Variants in BSN observed in about 807,000 individuals in gnomAD.
BSN encodes the protein protein bassoon.
Under a neutral mutation model 264.8 loss-of-function variants are expected in BSN, and 57 were observed. That is an observed-to-expected ratio of 0.22 (90% CI 0.17 to 0.27). BSN has a LOEUF of 0.27. Among genes scored for constraint, BSN ranks in the 10% least tolerant of loss-of-function variants. BSN has a pLI of 1.00. For missense variants in BSN, 4,615 were observed against 5,232.5 expected, an observed-to-expected ratio of 0.88 and a Z score of 3.64; for synonymous variants, 2,059 against 2,137.3, an observed-to-expected ratio of 0.96 and a Z score of 1.01.
At chr3:49,566,251 G>C (rs1366797698) in intron 1 of BSN, among the ~76,000 whole-genome samples, 1 of 152,184 alleles carries the variant, frequency 6.6e-6, no homozygotes, top group Non-Finnish European at 1.5e-5. Context: ...CATTTATTTG[G>C]TGAAGACATC....
intron 1 of BSN, among the ~76,000 whole-genome samples, chr3:49,624,432 G>T (rs2052327548): frequency 6.6e-6 from 1 of 151,386 alleles, no homozygotes; most frequent in Admixed American, 6.6e-5. Context: ...CCATGTAGCT[G>T]GGTTTACAGG....
At chr3:49,589,082 A>ATTTTTTTTTTT (rs55919876) in intron 1 of BSN, among the ~76,000 whole-genome samples, 2 of 132,456 alleles carry the variant, frequency 1.5e-5, no homozygotes, top group Non-Finnish European at 1.6e-5. Context: ...GCCTGGCTAA[A>ATTTTTTTTTTT]TTTTTTTTTT....
At chr3:49,645,671 A>G (rs1217790139) in intron 3 of BSN, among the ~76,000 whole-genome samples, 2 of 152,190 alleles carry the variant, frequency 1.3e-5, no homozygotes, top group African/African-American at 4.8e-5. Flanking sequence ...TGAGGCCCCT[A>G]ACCAGGCTGT....
intron 5 of BSN, among the ~76,000 whole-genome samples, chr3:49,658,762 T>C (rs574231024): frequency 6.6e-6 from 1 of 152,268 alleles, no homozygotes; most frequent in African/African-American, 2.4e-5. Flanking sequence ...CCTCGGTAAA[T>C]CTGTTTACAC....
At chr3:49,634,878 T>A (rs935054814) in intron 2 of BSN, among the ~76,000 whole-genome samples, 3 of 152,116 alleles carry the variant, frequency 2.0e-5, no homozygotes, top group Admixed American at 6.5e-5. Flanking sequence ...CACATACACA[T>A]ACACACACAT....
At chr3:49,617,303 ATATATATATATATAT>A (rs1293382692) in intron 1 of BSN, among the ~76,000 whole-genome samples, 6 of 113,360 alleles carry the variant, frequency 5.3e-5, no homozygotes, top group Admixed American at 1.7e-4. Context: ...ATATATATAT[ATATATATATATATAT>A]AATTTTATAA....
intron 1 of BSN, among the ~76,000 whole-genome samples, chr3:49,594,887 AC>A (rs1258340760): frequency 1.9e-5 from 2 of 102,674 alleles, no homozygotes; most frequent in Non-Finnish European, 3.8e-5. Flanking sequence ...TACAGATCCT[AC>A]AATTTTTTTT....
At chr3:49,586,360 C>G (rs983849644) in intron 1 of BSN, among the ~76,000 whole-genome samples, 1 of 151,896 alleles carries the variant, frequency 6.6e-6, no homozygotes, top group Non-Finnish European at 1.5e-5. Flanking sequence ...ATCTATCTAT[C>G]TATCATTATC....
intron 1 of BSN, among the ~76,000 whole-genome samples, chr3:49,613,426 AG>A (rs1180821266): frequency 2.7e-5 from 4 of 150,828 alleles, no homozygotes; most frequent in Non-Finnish European, 5.9e-5. Context: ...TGAAGTCCTG[AG>A]GGAGAGAAAG....
chr3:49,561,248 G>A (rs1024559961), intron 1 of BSN, among the ~76,000 whole-genome samples: 2 of 152,206 alleles, frequency 1.3e-5, no homozygotes, highest in African/African-American at 4.8e-5. Flanking sequence ...TTCCCTGAGG[G>A]GAAATAGAAG....
At position 49,658,064 on chromosome 3, in the gene BSN, G is replaced by C. The variant is rs1489086600; in HGVS notation, c.8508G>C (p.Gln2836His). The change falls in exon 5 of 12, where the codon CAG (glutamine) becomes CAC (histidine). Residue 2836 changes from glutamine (Q) to histidine (H), a missense_variant. Around this residue, in one of 3 missense-constraint regions of BSN, gnomAD observed 3,415 missense variants for 3,866.4 expected, o/e 0.88. Coordinates refer to ENST00000296452, the MANE Select transcript of BSN (RefSeq NM_003458.4). ...KHFTADSALR[Q>H]QTLPRPMKTL... ...TCACGGCTGACAGCGCTCTCCGCCA[G>C]CAGACGCTGCCTCGCCCCATGAAGA... 5 of 1,613,288 alleles carry C rather than the reference G, an allele frequency of 3.1e-6. No homozygotes were observed. Among genetic ancestry groups the C allele is most frequent in the Non-Finnish European group, 3.4e-6 (4 of 1,179,972 alleles).
intron 1 of BSN, among the ~76,000 whole-genome samples, chr3:49,603,197 A>G (rs1366618877): frequency 5.3e-5 from 8 of 152,124 alleles, no homozygotes; most frequent in Non-Finnish European, 2.9e-5. Context: ...TCCCACCCTG[A>G]TGCCTTCCTG....
intron 1 of BSN, among the ~76,000 whole-genome samples, chr3:49,608,920 T>G (rs2052180949): frequency 1.3e-5 from 2 of 148,522 alleles, no homozygotes; most frequent in African/African-American, 2.5e-5. Flanking sequence ...TGCATGCAGG[T>G]GAGGAGAGAG....
rs772297204 is a variant in BSN, at chr3:49,657,363, C to T, written c.7807C>T (p.Arg2603Trp). Residue 2603 changes from arginine to tryptophan, a missense_variant, in exon 5 of 12, where the codon CGG (arginine) becomes TGG (tryptophan). Physicochemically the swap from Arg to Trp is moderately radical, Grantham distance 101. Coordinates refer to ENST00000296452, the MANE Select transcript of BSN (RefSeq NM_003458.4). ...CCGCTACCTCTTGAGTCGGCGACGCCGGGCACGGCGGAGTGCTGACTGCAG... is the reference window on the plus strand; with the variant it reads ...CCGCTACCTCTTGAGTCGGCGACGCTGGGCACGGCGGAGTGCTGACTGCAG... ...ESRYLLSRRR[R>W]ARRSADCSVQ... 24 of 1,613,174 alleles carry T rather than the reference C, an allele frequency of 1.5e-5. No homozygotes were observed. The highest frequency in any genetic ancestry group is 1.9e-5 in the Non-Finnish European group (23 of 1,180,030).
In BSN at chr3:49,642,793, G is replaced by A. The variant is rs748615492; in HGVS notation, c.1159G>A (p.Val387Ile). 2.5e-5 allele frequency: 40 copies of A among 1,613,242 alleles called. No individual in the cohort carries two copies. The South Asian group carries it at 2.7e-4, about 11-fold the overall frequency. Residue 387 changes from valine (V) to isoleucine (I), a missense_variant, in exon 3 of 12, where the codon GTC becomes ATC. Val to Ile is a conservative substitution (Grantham distance 29, BLOSUM62 3). This residue lies in a region of BSN where 1,197 missense variants were observed against 1,348.0 expected (regional missense o/e 0.89). Transcript: ENST00000296452. This position sits in a 1 kb window ranked among gnomAD's most constrained non-coding sequence, Gnocchi z 7.0. The part of the protein sequence containing the change: ...PAPSKGTPKI[V>I]FNDASKEAGP... ...CCCCAGCAAGGGGACACCTAAGATC[G>A]TCTTCAATGATGCCAGCAAGGAGGC...
intron 1 of BSN, among the ~76,000 whole-genome samples, chr3:49,613,498 TA>T (rs752534444): frequency 1.4e-4 from 21 of 150,922 alleles, no homozygotes; most frequent in East Asian, 7.8e-4. Flanking sequence ...TTATTATTAT[TA>T]TTATTTTTTT....
At chr3:49,643,957 C>G (rs1156914200) in intron 3 of BSN, among the ~76,000 whole-genome samples, 3 of 152,158 alleles carry the variant, frequency 2.0e-5, no homozygotes, top group Non-Finnish European at 4.4e-5. Context: ...GGAGTCCAGC[C>G]CAAGAGGCTC....
chr3:49,653,189 C>A lies in BSN; in HGVS notation c.3633C>A (p.Pro1211=). The change falls in exon 5 of 12, where the codon CCC becomes CCA. Residue 1211 remains proline (P), a synonymous_variant. Coordinates refer to ENST00000296452, the MANE Select transcript of BSN (RefSeq NM_003458.4). The surrounding 1 kb of genome is among the most constrained non-coding windows in gnomAD (Gnocchi z 6.3). ...GCCAGGCAGCAGGGGCCCGGGGACC[C>A]CATGGCGGCCCCTCTCAGCCCACAG... ...QQGQAAGARG[P]HGGPSQPTGP... is the part of the protein sequence containing the mutation. The A allele has an allele frequency of 6.2e-7, 1 of 1,611,032 alleles. No homozygotes were observed. Among genetic ancestry groups the A allele is most frequent in the Non-Finnish European group, 8.5e-7 (1 of 1,179,354 alleles).
At chr3:49,647,996 C>G (rs1326820361) in intron 3 of BSN, among the ~76,000 whole-genome samples, 1 of 152,244 alleles carries the variant, frequency 6.6e-6, no homozygotes, top group Admixed American at 6.5e-5. Flanking sequence ...GAGCCAGGAG[C>G]AAGAGGGCCT....
Sources: allele counts gnomAD v4.1 joint callset (sites outside exome capture counted in the v4.1 genomes callset), GRCh38; gene constraint gnomAD v4.1.1; regional missense constraint gnomAD v4.1.1; non-coding constraint Gnocchi (gnomAD v3.1); transcripts MANE v1.5; gene names NCBI Gene and HGNC (gene_info 2026-07-23, HGNC 2026-07-21).